The following GNAO1 variants were observed in gnomAD, a reference collection of about 807,000 sequenced individuals.
GNAO1 encodes the protein guanine nucleotide-binding protein G(o) subunit alpha.
For synonymous variants in GNAO1, 164 were observed against 180.7 expected, an observed-to-expected ratio of 0.91 and a Z score of 0.74; for missense variants, 166 against 478.7, an observed-to-expected ratio of 0.35 and a Z score of 6.10.
chr16:56,218,959 C>T (rs1336130597), intron 2 of GNAO1, among the ~76,000 whole-genome samples: 1 of 152,140 alleles, frequency 6.6e-6, no homozygotes, highest in Non-Finnish European at 1.5e-5. Context: ...TGGGCATGCA[C>T]CCACACATTT....
chr16:56,343,778 C>T (rs761341566), intron 6 of GNAO1: 2 of 1,613,350 alleles, frequency 1.2e-6, no homozygotes, highest in Admixed American at 1.7e-5. Context: ...AGCGCCTTCA[C>T]AGAAGCCGTG....
intron 3 of GNAO1, chr16:56,301,180 A>G (rs759827091): frequency 5.3e-5 from 8 of 152,224 alleles, no homozygotes; most frequent in Non-Finnish European, 1.0e-4. Flanking sequence ...ACAGATAGCT[A>G]TGGCAGTCAG....
intron 3 of GNAO1, 121 bp downstream of exon 3, chr16:56,276,193 GAT>G: frequency 1.2e-6 from 1 of 834,798 alleles, no homozygotes; most frequent in Non-Finnish European, 1.8e-6. Flanking sequence ...ATGTTTGAAA[GAT>G]ATATGGTGGC....
intron 3 of GNAO1, among the ~76,000 whole-genome samples, chr16:56,290,133 A>T (rs919332530): frequency 2.6e-5 from 4 of 151,704 alleles, no homozygotes; most frequent in African/African-American, 9.7e-5. Flanking sequence ...TCCATAGGGG[A>T]CTTCTCCACC....
At chr16:56,346,927 A>G (rs1318685602) in intron 6 of GNAO1, 21 of 985,308 alleles carry the variant, frequency 2.1e-5, no homozygotes, top group Non-Finnish European at 2.4e-5. Flanking sequence ...TTTGGCCAAC[A>G]TGAGTCCTGC....
chr16:56,225,962 T>TG (rs2036529802), intron 2 of GNAO1, among the ~76,000 whole-genome samples: 1 of 151,306 alleles, frequency 6.6e-6, no homozygotes, highest in Non-Finnish European at 1.5e-5. Flanking sequence ...TGGAAAGGTG[T>TG]GGGGAAAAAG....
At chr16:56,303,866 T>C (rs563066271) in intron 3 of GNAO1, among the ~76,000 whole-genome samples, 70 of 151,950 alleles carry the variant, frequency 4.6e-4, no homozygotes, top group African/African-American at 1.6e-3. Flanking sequence ...GAAGCCAGTT[T>C]CCCACCTCTG....
intron 6 of GNAO1, chr16:56,347,643 G>C: frequency 1.0e-6 from 1 of 985,340 alleles, no homozygotes; most frequent in Middle Eastern, 5.2e-4. Context: ...TGGAACAGAA[G>C]CTCTCATCCC....
intron 8 of GNAO1, 44 bp downstream of exon 8, chr16:56,355,125 TACACACACACAC>T (rs59437828): frequency 1.4e-5 from 8 of 556,332 alleles, no homozygotes; most frequent in African/African-American, 8.2e-5. Context: ...TGCGCGCGCA[TACACACACACAC>T]ACACACACAC....
chr16:56,194,867 A>G (rs2036217466), intron 2 of GNAO1, among the ~76,000 whole-genome samples: 1 of 152,202 alleles, frequency 6.6e-6, no homozygotes, highest in Non-Finnish European at 1.5e-5. Context: ...GAGCTCTCTG[A>G]GGAAATAGGT....
intron 5 of GNAO1, among the ~76,000 whole-genome samples, chr16:56,335,915 C>G (rs2037735845): frequency 6.6e-6 from 1 of 152,188 alleles, no homozygotes; most frequent in South Asian, 2.1e-4. Context: ...GCTCTGAGCC[C>G]ACACTAATCT....
intron 2 of GNAO1, among the ~76,000 whole-genome samples, chr16:56,201,013 G>T (rs1213298960): frequency 6.6e-6 from 1 of 152,174 alleles, no homozygotes; most frequent in Non-Finnish European, 1.5e-5. Context: ...AAGCATTTAT[G>T]ATTGCCTATT....
chr16:56,256,305 T>G (rs2143469252), intron 2 of GNAO1, among the ~76,000 whole-genome samples: 1 of 152,172 alleles, frequency 6.6e-6, no homozygotes, highest in East Asian at 1.9e-4. Context: ...AGCCACTTCT[T>G]GGTCTGACCT....
chr16:56,312,924 T>C (rs1322586270), intron 3 of GNAO1, among the ~76,000 whole-genome samples: 1 of 152,228 alleles, frequency 6.6e-6, no homozygotes, highest in African/African-American at 2.4e-5. Context: ...AGGCTGGTGC[T>C]TGGACCTTCA....
intron 2 of GNAO1, among the ~76,000 whole-genome samples, chr16:56,226,755 T>G (rs1183670720): frequency 6.6e-6 from 1 of 152,202 alleles, no homozygotes; most frequent in East Asian, 1.9e-4. Flanking sequence ...TGGTTTCTTC[T>G]CCATTCACAG....
chr16:56,256,805 G>A (rs2036854864), intron 2 of GNAO1, among the ~76,000 whole-genome samples: 1 of 150,956 alleles, frequency 6.6e-6, no homozygotes, highest in South Asian at 2.1e-4. Context: ...GCACTCAGGG[G>A]CCACTAACAC....
chr16:56,202,351 A>G (rs1281243374), intron 2 of GNAO1, among the ~76,000 whole-genome samples: 3 of 152,166 alleles, frequency 2.0e-5, no homozygotes, highest in Non-Finnish European at 4.4e-5. Context: ...TGTGGGATTG[A>G]GGAAATCCAT....
chr16:56,229,420 C>G (rs1307342836), intron 2 of GNAO1, among the ~76,000 whole-genome samples: 2 of 152,156 alleles, frequency 1.3e-5, no homozygotes, highest in Non-Finnish European at 2.9e-5. Flanking sequence ...GTTGGCCAGG[C>G]TGGTCTCAAA....
chr16:56,308,601 G>A (rs1448373103), intron 3 of GNAO1, among the ~76,000 whole-genome samples: 1 of 152,188 alleles, frequency 6.6e-6, no homozygotes, highest in African/African-American at 2.4e-5. Flanking sequence ...TCTGGCTCAG[G>A]GAGAAGGTGG....
Sources: allele counts gnomAD v4.1 joint callset (sites outside exome capture counted in the v4.1 genomes callset), GRCh38; gene constraint gnomAD v4.1.1; transcripts MANE v1.5; gene names NCBI Gene and HGNC (gene_info 2026-07-23, HGNC 2026-07-21).